The following TENM4 variants were observed in gnomAD, a reference collection of about 807,000 sequenced individuals.
TENM4 encodes teneurin transmembrane protein 4, also known as teneurin-4.
A neutral mutation model predicts 243.3 loss-of-function variants in TENM4; 82 were observed. That is an observed-to-expected ratio of 0.34 (90% CI 0.28 to 0.40). The LOEUF (loss-of-function observed/expected upper bound fraction) is 0.40, where lower values mean the gene tolerates loss of function less well. Ranked by LOEUF, TENM4 falls within the 10% of genes least tolerant of loss-of-function variation. TENM4 has a pLI of 1.00. For missense variants in TENM4, 3,138 were observed against 3,673.3 expected (o/e 0.85, Z 3.77); for synonymous variants, 1,412 against 1,456.3 (o/e 0.97, Z 0.69).
chr11:78,707,170 G>C (rs888544948), intron 27 of TENM4, among the ~76,000 whole-genome samples: 3 of 152,226 alleles, frequency 2.0e-5, no homozygotes, highest in Non-Finnish European at 2.9e-5. Context: ...AAATGAAGGG[G>C]TTTAAAAAGC....
At position 78,961,633 on chromosome 11, in the gene TENM4, G is replaced by A. The variant is rs1410583301; in HGVS notation, c.494-58110C>T. Among the ~76,000 whole-genome samples, 12 of 152,186 alleles carry A rather than the reference G, an allele frequency of 7.9e-5. No homozygotes were observed. The East Asian group carries it at 2.3e-3, about 29-fold the overall frequency. On this transcript the variant is annotated intron_variant, in intron 6 of 33. Coordinates refer to ENST00000278550, the MANE Select transcript of TENM4 (RefSeq NM_001098816.3). ...AAACTGGAGAACTTTTAAAGCCAGC[G>A]CTGTTTTATGGGTAATGGGGTAATC...
At chr11:79,293,945 C>T (rs1856400549) in intron 2 of TENM4, among the ~76,000 whole-genome samples, 1 of 152,198 alleles carries the variant, frequency 6.6e-6, no homozygotes, top group South Asian at 2.1e-4. Flanking sequence ...TCTGAGCTCT[C>T]CCAGGCATCC....
At chr11:78,833,978 GA>G (rs1858040869) in intron 12 of TENM4, among the ~76,000 whole-genome samples, 1 of 152,180 alleles carries the variant, frequency 6.6e-6, no homozygotes, top group Non-Finnish European at 1.5e-5. Context: ...GAGTGACTTT[GA>G]AAAAGTTAAC....
chr11:78,974,347 A>G (rs1857605492), intron 6 of TENM4, among the ~76,000 whole-genome samples: 1 of 152,214 alleles, frequency 6.6e-6, no homozygotes, highest in Admixed American at 6.5e-5. Flanking sequence ...TACCACATCC[A>G]GGAGGGTAAT....
chr11:79,063,895 G>T (rs1591253416), intron 6 of TENM4, among the ~76,000 whole-genome samples: 1 of 152,250 alleles, frequency 6.6e-6, no homozygotes, highest in South Asian at 2.1e-4. Context: ...GGGATCAGGG[G>T]GAAGCTGCAG....
At chr11:79,151,700 C>T (rs1461146176) in intron 3 of TENM4, among the ~76,000 whole-genome samples, 8 of 152,114 alleles carry the variant, frequency 5.3e-5, no homozygotes. Context: ...TCCCTGAAGT[C>T]TTCCCTGATT....
intron 6 of TENM4, among the ~76,000 whole-genome samples, chr11:78,924,909 T>G (rs1388575240): frequency 6.6e-6 from 1 of 152,234 alleles, no homozygotes; most frequent in African/African-American, 2.4e-5. Context: ...CTCGGAAATC[T>G]GGACATTCCC....
At chr11:79,002,344 T>C (rs1399625796) in intron 6 of TENM4, among the ~76,000 whole-genome samples, 8 of 152,220 alleles carry the variant, frequency 5.3e-5, no homozygotes, top group Non-Finnish European at 1.5e-5. Flanking sequence ...TACTGACATG[T>C]GCAAGTGAAA....
At chr11:78,809,199 T>G (rs1857446481) in intron 14 of TENM4, among the ~76,000 whole-genome samples, 1 of 152,044 alleles carries the variant, frequency 6.6e-6, no homozygotes, top group South Asian at 2.1e-4. Context: ...ACCAGCAAAG[T>G]GAATCCTACA....
intron 6 of TENM4, among the ~76,000 whole-genome samples, chr11:78,909,148 C>T (rs1429126777): frequency 1.3e-5 from 2 of 152,106 alleles, no homozygotes; most frequent in East Asian, 3.9e-4. Context: ...AGAAATAAAA[C>T]AAATATGGTC....
intron 33 of TENM4, among the ~76,000 whole-genome samples, chr11:78,659,368 T>G (rs966494699): frequency 6.6e-6 from 1 of 152,164 alleles, no homozygotes; most frequent in Non-Finnish European, 1.5e-5. Context: ...CTCACAGTCA[T>G]ACAACTAATA....
chr11:78,980,151 T>C (rs937277685), intron 6 of TENM4, among the ~76,000 whole-genome samples: 1 of 152,252 alleles, frequency 6.6e-6, no homozygotes, highest in Admixed American at 6.5e-5. Flanking sequence ...TCAGAAGAAC[T>C]TTATTCACAG....
chr11:78,861,514 A>C (rs998461691), intron 10 of TENM4, among the ~76,000 whole-genome samples: 3 of 152,208 alleles, frequency 2.0e-5, no homozygotes, highest in Admixed American at 6.5e-5. Context: ...TGCACTATTT[A>C]GCATTTTAAG....
At chr11:79,032,778 C>T (rs975593656) in intron 6 of TENM4, among the ~76,000 whole-genome samples, 13 of 152,320 alleles carry the variant, frequency 8.5e-5, no homozygotes, top group African/African-American at 3.1e-4. Context: ...GAATACTTCT[C>T]CCCTAATGTC....
At chr11:78,912,935 C>G (rs929649401) in intron 6 of TENM4, among the ~76,000 whole-genome samples, 1 of 152,240 alleles carries the variant, frequency 6.6e-6, no homozygotes, top group Non-Finnish European at 1.5e-5. Context: ...TTATCCCAAT[C>G]AGCGGCTAAT....
intron 28 of TENM4, 61 bp from the exon 29 acceptor site, chr11:78,688,287 G>A (rs747469413): frequency 1.6e-5 from 25 of 1,544,214 alleles, no homozygotes; most frequent in Non-Finnish European, 2.0e-5. Flanking sequence ...CTGGAACTTG[G>A]TGCATTCTAC....
intron 4 of TENM4, among the ~76,000 whole-genome samples, chr11:79,111,619 G>A (rs1861510986): frequency 1.3e-5 from 2 of 152,254 alleles, no homozygotes; most frequent in East Asian, 3.9e-4. Context: ...ACCCAGTCTC[G>A]GGTATGTCTT....
chr11:79,286,689 A>T (rs1856260063), intron 2 of TENM4, among the ~76,000 whole-genome samples: 1 of 152,010 alleles, frequency 6.6e-6, no homozygotes, highest in Admixed American at 6.6e-5. Flanking sequence ...ATTTTTTTTT[A>T]AATAGAAGTG....
At chr11:79,033,924 C>A (rs1367835090) in intron 6 of TENM4, among the ~76,000 whole-genome samples, 9 of 152,072 alleles carry the variant, frequency 5.9e-5, no homozygotes, top group Non-Finnish European at 1.3e-4. Flanking sequence ...AGCTCTATTT[C>A]AAAAAATCTA....
Sources: gnomAD v4.1 joint callset for allele counts (sites outside exome capture counted in the v4.1 genomes callset) on GRCh38, gnomAD v4.1.1 for gene constraint, MANE v1.5 for transcripts, NCBI Gene and HGNC (gene_info 2026-07-23, HGNC 2026-07-21) for gene names.